Variants in ERG observed in about 807,000 individuals in gnomAD.
The protein encoded by ERG is ETS transcription factor ERG, also known as transcriptional regulator ERG.
A neutral mutation model predicts 55.3 loss-of-function variants in ERG; 9 were observed. The ratio of observed to expected loss-of-function variants is 0.16; its 90% CI spans 0.10 to 0.28. The LOEUF (loss-of-function observed/expected upper bound fraction) is 0.28. Among genes scored for constraint, ERG ranks in the 10% least tolerant of loss-of-function variants. The probability of loss-of-function intolerance (pLI) is 1.00; values close to 1 mark genes in which losing one functional copy is unlikely to be tolerated. For missense variants in ERG, 434 were observed against 631.6 expected (o/e 0.69, Z 3.35); for synonymous variants, 223 against 237.3 (o/e 0.94, Z 0.55).
chr21:38,657,977 C>G (rs560216980), intron 1 of ERG, among the ~76,000 whole-genome samples: 146 of 152,328 alleles, frequency 9.6e-4, no homozygotes, highest in African/African-American at 2.5e-3. Context: ...CCCCAAAGAT[C>G]TGAACGTCCC....
At position 38,447,993 on chromosome 21, in the gene ERG, A is replaced by G. The variant is rs547965131; in HGVS notation, c.19-2372T>C. 1.5e-4 allele frequency among the ~76,000 whole-genome samples: 21 copies of G among 142,764 alleles called. No homozygotes were observed. The South Asian group carries it at 4.9e-3, about 33-fold the overall frequency. The allele number at this position is 142,764 out of a possible 152,430, so 93.7% of individuals were successfully genotyped here. A position where few individuals can be genotyped will look rare whatever the true frequency, so the allele number is the denominator to read the frequency against. The stretch of plus-strand genomic sequence containing the variant: ...TGGCTGCAACAATAACAAACAAGCA[A>G]TAACTTTAAAGTATTAGTATTTCTC... On this transcript the variant is annotated intron_variant, in intron 1 of 9. Coordinates refer to ENST00000288319, the MANE Select transcript of ERG (RefSeq NM_182918.4).
intron 1 of ERG, among the ~76,000 whole-genome samples, chr21:38,467,617 A>G (rs1340400782): frequency 1.3e-5 from 2 of 152,296 alleles, no homozygotes; most frequent in East Asian, 3.9e-4. Flanking sequence ...CTCTTGTTAA[A>G]TCGCCAGTTT....
intron 1 of ERG, among the ~76,000 whole-genome samples, chr21:38,656,225 G>A (rs1043453089): frequency 6.6e-6 from 1 of 152,136 alleles, no homozygotes; most frequent in African/African-American, 2.4e-5. Flanking sequence ...ACCCATGAAA[G>A]GACACTGCAG....
At chr21:38,610,524 C>CGT (rs149000999) in intron 1 of ERG, among the ~76,000 whole-genome samples, 3,662 of 117,222 alleles carry the variant, frequency 0.031, 123 homozygotes, top group East Asian at 0.22. Context: ...TGCGCGCACG[C>CGT]GCGTGTGTGT....
intron 9 of ERG, among the ~76,000 whole-genome samples, chr21:38,390,768 G>T (rs1987934896): frequency 6.6e-6 from 1 of 152,166 alleles, no homozygotes; most frequent in Non-Finnish European, 1.5e-5. Context: ...TGTTACAGCA[G>T]CCCTAGAAAA....
At chr21:38,385,626 G>T (rs1301219544) in intron 9 of ERG, among the ~76,000 whole-genome samples, 1 of 152,198 alleles carries the variant, frequency 6.6e-6, no homozygotes, top group Non-Finnish European at 1.5e-5. Context: ...CTCATTTTCA[G>T]TCTAGCAACA....
At chr21:38,499,101 A>G (rs2059402215), upstream of ERG, among the ~76,000 whole-genome samples, 1 of 152,226 alleles carries the variant, frequency 6.6e-6, no homozygotes. Context: ...CAAGGACTCT[A>G]GGCTTACAGT....
At position 38,498,320 on chromosome 21, in the gene ERG, C is replaced by T; in HGVS notation, c.18+43G>A. ...TAAAGGAAACCAAAGAAAAGAGTAA[C>T]AAGAACAAGATTTTGTCAAATTAAA... On this transcript the variant is annotated intron_variant, in intron 1 of 9. Coordinates refer to ENST00000288319, the MANE Select transcript of ERG (RefSeq NM_182918.4). This position sits in a 1 kb window ranked among gnomAD's most constrained non-coding sequence, Gnocchi z 4.6. The T allele has an allele frequency of 6.3e-7, 1 of 1,575,148 alleles. No homozygotes were observed. Among genetic ancestry groups the T allele is most frequent in the South Asian group, 1.1e-5 (1 of 88,768 alleles).
chr21:38,519,433 C>T (rs1601176540), intron 2 of ERG, among the ~76,000 whole-genome samples: 1 of 152,272 alleles, frequency 6.6e-6, no homozygotes, highest in African/African-American at 2.4e-5. Context: ...ACAATAGGAG[C>T]TGTGGCCTTC....
intron 1 of ERG, among the ~76,000 whole-genome samples, chr21:38,580,243 A>T (rs898173272): frequency 1.3e-5 from 2 of 152,178 alleles, no homozygotes; most frequent in Non-Finnish European, 2.9e-5. Flanking sequence ...GTGAGCCACC[A>T]CACCTGGCCC....
chr21:38,476,021 A>G, intron 1 of ERG, among the ~76,000 whole-genome samples: 1 of 152,214 alleles, frequency 6.6e-6, no homozygotes, highest in Non-Finnish European at 1.5e-5. Context: ...AAATCTGCCT[A>G]CTATTTTCAG....
At chr21:38,462,813 C>A (rs776998537) in intron 1 of ERG, among the ~76,000 whole-genome samples, 14 of 152,210 alleles carry the variant, frequency 9.2e-5, no homozygotes, top group Non-Finnish European at 1.5e-4. Flanking sequence ...GACCCCCACC[C>A]ATCAGCTACA....
rs576814748 is a variant in ERG at position 38,593,177 on chromosome 21, C to T, written c.-149-8232G>A. ...AGCAGCAAAACAGCGCCATGTCCCT[C>T]AGTGTGGGAACCAGGGTCTGCCTGG... On this transcript the variant is annotated intron_variant, in intron 1 of 10. Coordinates refer to the ERG transcript ENST00000398910. 4.7e-3 allele frequency among the ~76,000 whole-genome samples: 715 copies of T among 152,308 alleles called. 5 individuals carry two copies. The highest frequency in any genetic ancestry group is 0.017 in the African/African-American group (689 of 41,572).
intron 1 of ERG, among the ~76,000 whole-genome samples, chr21:38,619,077 A>G (rs535642745): frequency 4.6e-5 from 7 of 152,298 alleles, no homozygotes; most frequent in East Asian, 3.9e-4. Context: ...GCCAACAGTC[A>G]TTGTGACCTA....
chr21:38,555,436 T>A (rs1601236108), intron 2 of ERG, among the ~76,000 whole-genome samples: 2 of 152,228 alleles, frequency 1.3e-5, no homozygotes, highest in Admixed American at 1.3e-4. Context: ...CTATTTTCAA[T>A]ATTATTATTT....
chr21:38,484,175 G>A (rs987241271), intron 1 of ERG, among the ~76,000 whole-genome samples: 7 of 152,116 alleles, frequency 4.6e-5, no homozygotes, highest in Non-Finnish European at 7.4e-5. Context: ...GTGTTGCCCA[G>A]GCTGGTCGTG....
intron 1 of ERG, among the ~76,000 whole-genome samples, chr21:38,457,735 G>A (rs2059003809): frequency 6.6e-6 from 1 of 152,206 alleles, no homozygotes; most frequent in Non-Finnish European, 1.5e-5. Context: ...AGCCACCTGT[G>A]GGGTGGGCGG....
chr21:38,600,038 G>A (rs978348958), intron 1 of ERG, among the ~76,000 whole-genome samples: 8 of 152,204 alleles, frequency 5.3e-5, no homozygotes, highest in African/African-American at 1.7e-4. Context: ...GAAACAAGAG[G>A]AGGCAAAAGA....
At chr21:38,538,625 T>C (rs964216590) in intron 2 of ERG, among the ~76,000 whole-genome samples, 9 of 152,274 alleles carry the variant, frequency 5.9e-5, no homozygotes, top group African/African-American at 2.2e-4. Flanking sequence ...GGCAGTGAAC[T>C]AGTCTGTCAG....
Sources: gnomAD v4.1 joint callset for allele counts (sites outside exome capture counted in the v4.1 genomes callset) on GRCh38, gnomAD v4.1.1 for gene constraint, Gnocchi (gnomAD v3.1) non-coding constraint, MANE v1.5 for transcripts, NCBI Gene and HGNC (gene_info 2026-07-23, HGNC 2026-07-21) for gene names.